The following PGM2L1 variants were observed in gnomAD, a reference collection of about 807,000 sequenced individuals.
The protein encoded by PGM2L1 is glucose 1,6-bisphosphate synthase.
A neutral mutation model predicts 73.4 loss-of-function variants in PGM2L1; 35 were observed. The observed-to-expected ratio is 0.48, with a 90% CI of 0.36 to 0.63. The LOEUF is 0.63. Ranked by LOEUF, PGM2L1 falls within the 30% of genes least tolerant of loss-of-function variation. The pLI is 0.00. For missense variants in PGM2L1, 570 were observed against 742.0 expected (o/e 0.77, Z 2.69); for synonymous variants, 225 against 253.8 (o/e 0.89, Z 1.08).
chr11:74,363,854 T>C (rs1393812871), intron 5 of PGM2L1, among the ~76,000 whole-genome samples: 5 of 152,120 alleles, frequency 3.3e-5, no homozygotes, highest in African/African-American at 1.2e-4. Flanking sequence ...CCTCCCTAAC[T>C]CATTTGATGA....
In PGM2L1 at chr11:74,334,779, A is replaced by T. The variant is rs954028775; in HGVS notation, c.*1873T>A. The T allele has an allele frequency of 5.9e-5, 9 of 152,172 alleles. No homozygotes were observed. Among genetic ancestry groups the T allele is most frequent in the African/African-American group, 2.2e-4 (9 of 41,430 alleles). The allele number at this position is 152,172 out of a possible 1,614,324, so 9.4% of individuals were successfully genotyped here. A position where few individuals can be genotyped will look rare whatever the true frequency, so the allele number is the denominator to read the frequency against. Reference sequence around the variant, plus strand: ...TTCTCTAATTACAGTGCTATCTCCCATAAGCAATTTGTTTAGGTCTTGTTA... The same window carrying T: ...TTCTCTAATTACAGTGCTATCTCCCTTAAGCAATTTGTTTAGGTCTTGTTA... On this transcript the variant is annotated 3_prime_UTR_variant, in exon 14 of 14. Transcript: ENST00000298198.
At chr11:74,378,485 T>G (rs1413131728) in intron 1 of PGM2L1, among the ~76,000 whole-genome samples, 1 of 152,180 alleles carries the variant, frequency 6.6e-6, no homozygotes, top group Non-Finnish European at 1.5e-5. Context: ...CCAAAAGATC[T>G]TAGTGACTAC....
intron 5 of PGM2L1, among the ~76,000 whole-genome samples, chr11:74,353,879 C>T (rs11236064): frequency 1.4e-5 from 2 of 147,936 alleles, no homozygotes; most frequent in African/African-American, 2.5e-5. Context: ...GGCTGCCGGG[C>T]GGGGGCTGAA....
At chr11:74,395,632 C>G (rs908947352) in intron 1 of PGM2L1, among the ~76,000 whole-genome samples, 38 of 141,012 alleles carry the variant, frequency 2.7e-4, no homozygotes, top group African/African-American at 1.0e-3. Flanking sequence ...GTCTCGAACT[C>G]CTGACCTCAG....
chr11:74,371,900 T>C, intron 2 of PGM2L1, 83 bp from the exon 3 acceptor site: 1 of 1,223,782 alleles, frequency 8.2e-7, no homozygotes, highest in Non-Finnish European at 1.2e-6. Context: ...TTATGTTTGC[T>C]GTGCAGCTGA....
chr11:74,392,214 T>C (rs942598596), intron 1 of PGM2L1, among the ~76,000 whole-genome samples: 4 of 152,166 alleles, frequency 2.6e-5, no homozygotes, highest in Non-Finnish European at 5.9e-5. Flanking sequence ...AAGAGGCAGT[T>C]AGGATCATTG....
chr11:74,361,668 G>A (rs187990412), intron 5 of PGM2L1, among the ~76,000 whole-genome samples: 187 of 152,262 alleles, frequency 1.2e-3, no homozygotes, highest in Non-Finnish European at 9.4e-4. Context: ...TAGACGACTG[G>A]CTAACTAGAA....
Position 74,398,116 on chromosome 11 carries a change from C to A in PGM2L1, c.46G>T (p.Ala16Ser). 6.2e-7 allele frequency: 1 copy of A among 1,612,482 alleles called. No homozygotes were observed. The highest frequency in any genetic ancestry group is 8.5e-7 in the Non-Finnish European group (1 of 1,179,080). Reference sequence around the variant, plus strand: ...TGAGGGTCCCCGGTGTGGTAGGGGGCGTGGAGCAGGTTGGAGTTCAGATCC... The same window carrying A: ...TGAGGGTCCCCGGTGTGGTAGGGGGAGTGGAGCAGGTTGGAGTTCAGATCC... ...EGDLNSNLLH[A>S]PYHTGDPQLD... Residue 16 changes from alanine (A) to serine (S), a missense_variant, in exon 1 of 14, where the codon GCC becomes TCC. Ala to Ser is a moderately conservative substitution (Grantham distance 99, BLOSUM62 1). Transcript: ENST00000298198.
intron 6 of PGM2L1, among the ~76,000 whole-genome samples, chr11:74,348,126 T>G (rs1483375778): frequency 1.3e-5 from 2 of 152,152 alleles, no homozygotes; most frequent in East Asian, 1.9e-4. Context: ...GTTCTTTGTA[T>G]CAAAGGTCAA....
At chr11:74,371,183 T>C (rs910231683) in intron 3 of PGM2L1, among the ~76,000 whole-genome samples, 197 bp from the exon 4 acceptor site, 2 of 152,038 alleles carry the variant, frequency 1.3e-5, no homozygotes, top group African/African-American at 4.8e-5. Flanking sequence ...AAAAGAAGAG[T>C]TTAACAACTA....
chr11:74,352,453 T>C (rs1036433082), intron 5 of PGM2L1, among the ~76,000 whole-genome samples: 5 of 152,192 alleles, frequency 3.3e-5, no homozygotes, highest in Non-Finnish European at 5.9e-5. Flanking sequence ...GCCTGATCAA[T>C]AAGACATTAG....
At chr11:74,378,877 A>G (rs1177795212) in intron 1 of PGM2L1, among the ~76,000 whole-genome samples, 1 of 152,230 alleles carries the variant, frequency 6.6e-6, no homozygotes, top group African/African-American at 2.4e-5. Context: ...GACCAATGAA[A>G]GTATTAACAT....
At chr11:74,343,134 A>G (rs1299820414) in intron 10 of PGM2L1, 120 bp from the exon 11 acceptor site, 3 of 1,368,486 alleles carry the variant, frequency 2.2e-6, no homozygotes, top group Non-Finnish European at 3.0e-6. Context: ...AAACTCATCA[A>G]TACTGAGTGT....
chr11:74,376,445 T>C (rs768843143), intron 1 of PGM2L1, among the ~76,000 whole-genome samples: 1 of 151,402 alleles, frequency 6.6e-6, no homozygotes, highest in Non-Finnish European at 1.5e-5. Flanking sequence ...ATAACAAGTA[T>C]AGTGTGTGTG....
chr11:74,396,011 G>A (rs932784322), intron 1 of PGM2L1, among the ~76,000 whole-genome samples: 4 of 151,972 alleles, frequency 2.6e-5, no homozygotes, highest in African/African-American at 7.3e-5. Flanking sequence ...CAACACTTTG[G>A]GAGGCTGAGG....
chr11:74,365,349 G>C (rs1194583860), intron 5 of PGM2L1, among the ~76,000 whole-genome samples: 1 of 150,980 alleles, frequency 6.6e-6, no homozygotes, highest in Non-Finnish European at 1.5e-5. Context: ...GGCAACAAAA[G>C]CCAAAATTGA....
At chr11:74,364,478 C>T (rs888539118) in intron 5 of PGM2L1, among the ~76,000 whole-genome samples, 5 of 152,106 alleles carry the variant, frequency 3.3e-5, no homozygotes, top group African/African-American at 1.2e-4. Flanking sequence ...ATCGTCTCAG[C>T]CAAAATCTCC....
intron 13 of PGM2L1, among the ~76,000 whole-genome samples, chr11:74,337,760 A>G (rs2134877218): frequency 1.3e-5 from 2 of 152,358 alleles, no homozygotes; most frequent in South Asian, 4.1e-4. Flanking sequence ...TAAAGCTCAG[A>G]GAATCTTTCC....
chr11:74,352,007 A>G (rs1057313728), intron 5 of PGM2L1, among the ~76,000 whole-genome samples: 14 of 151,772 alleles, frequency 9.2e-5, no homozygotes, highest in African/African-American at 3.4e-4. Flanking sequence ...AAGCATATCA[A>G]ATTGATCAAA....
Sources: gnomAD v4.1 joint callset for allele counts (sites outside exome capture counted in the v4.1 genomes callset) on GRCh38, gnomAD v4.1.1 for gene constraint, MANE v1.5 for transcripts, NCBI Gene and HGNC (gene_info 2026-07-23, HGNC 2026-07-21) for gene names.